MAN2A1: variants seen among roughly 807,000 people sequenced by gnomAD.
MAN2A1 encodes the protein alpha-mannosidase 2.
A neutral mutation model predicts 142.6 loss-of-function variants in MAN2A1; 76 were observed. The ratio of observed to expected loss-of-function variants is 0.53; its 90% CI spans 0.44 to 0.65. The LOEUF (loss-of-function observed/expected upper bound fraction) is 0.65, where lower values mean the gene tolerates loss of function less well. Among genes scored for constraint, MAN2A1 ranks in the 30% least tolerant of loss-of-function variants. MAN2A1 has a pLI of 0.00. For synonymous variants in MAN2A1, 559 were observed against 473.2 expected, an observed-to-expected ratio of 1.18 and a Z score of -2.35; for missense variants, 1,311 against 1,365.1, an observed-to-expected ratio of 0.96 and a Z score of 0.62.
intron 4 of MAN2A1, among the ~76,000 whole-genome samples, chr5:109,736,247 T>G (rs778970438): frequency 8.5e-5 from 13 of 152,192 alleles, no homozygotes; most frequent in Non-Finnish European, 1.6e-4. Flanking sequence ...TCAGCATTTC[T>G]GAATCTGTAG....
intron 1 of MAN2A1, among the ~76,000 whole-genome samples, chr5:109,709,278 G>C (rs189220912): frequency 5.3e-5 from 8 of 152,178 alleles, no homozygotes; most frequent in African/African-American, 1.9e-4. Context: ...TGGCATTTTC[G>C]TATAGTTTGA....
intron 20 of MAN2A1, among the ~76,000 whole-genome samples, chr5:109,857,638 G>A (rs144462608): frequency 1.7e-3 from 255 of 152,310 alleles, no homozygotes; most frequent in Admixed American, 2.8e-3. Flanking sequence ...ACGAAGCCTG[G>A]AACTTGTTTT....
chr5:109,818,862 G>T (rs1192318971), intron 13 of MAN2A1, among the ~76,000 whole-genome samples: 2 of 152,162 alleles, frequency 1.3e-5, no homozygotes, highest in Non-Finnish European at 2.9e-5. Context: ...TTACCCATAA[G>T]ATATCAAACA....
chr5:109,866,742 A>G (rs1368600606), intron 21 of MAN2A1, 104 bp from the exon 22 acceptor site: 5 of 671,192 alleles, frequency 7.4e-6, no homozygotes, highest in East Asian at 2.9e-5. Flanking sequence ...GAACTTCAAC[A>G]TACTGTTTTA....
chr5:109,694,815 G>C (rs886491529), intron 1 of MAN2A1, among the ~76,000 whole-genome samples: 1 of 151,806 alleles, frequency 6.6e-6, no homozygotes, highest in African/African-American at 2.4e-5. Flanking sequence ...TTTTTTTCTT[G>C]CTTTCATAAA....
At chr5:109,789,391 G>A in intron 11 of MAN2A1, 69 bp from the exon 12 acceptor site, 1 of 866,556 alleles carries the variant, frequency 1.2e-6, no homozygotes, top group South Asian at 1.8e-5. Flanking sequence ...AATTTGAATG[G>A]TCTTCTGGTT....
chr5:109,791,593 C>G (rs563944710), intron 12 of MAN2A1, among the ~76,000 whole-genome samples: 1 of 151,518 alleles, frequency 6.6e-6, no homozygotes, highest in African/African-American at 2.4e-5. Flanking sequence ...GTTTGAGTAA[C>G]AAATTATCTC....
rs1191997273 is a variant in MAN2A1 at position 109,784,870 on chromosome 5, T to C, written c.1704T>C (p.His568=). Residue 568 remains histidine (H), a synonymous_variant, in exon 10 of 22, where the codon CAT becomes CAC. Coordinates refer to ENST00000261483, the MANE Select transcript of MAN2A1 (RefSeq NM_002372.4). ...EARRNLGLFQ[H]HDAITGTAKD... ...GAAGGAATTTGGGACTGTTTCAACA[T>C]CATGATGCTATCACAGGAACTGCAA... 2.5e-6 allele frequency: 4 copies of C among 1,612,438 alleles called. No homozygotes were observed. Among genetic ancestry groups the C allele is most frequent in the South Asian group, 2.2e-5 (2 of 90,712 alleles).
chr5:109,747,478 TCTTA>T (rs1352737198), intron 4 of MAN2A1, among the ~76,000 whole-genome samples: 1 of 152,168 alleles, frequency 6.6e-6, no homozygotes, highest in African/African-American at 2.4e-5. Context: ...TTGACTAATC[TCTTA>T]CTTTTGGAGA....
intron 4 of MAN2A1, among the ~76,000 whole-genome samples, chr5:109,752,708 A>C (rs868767127): frequency 3.9e-5 from 6 of 152,200 alleles, no homozygotes; most frequent in African/African-American, 1.2e-4. Flanking sequence ...GGTAGAAGAA[A>C]ATAGATAAAT....
chr5:109,762,164 A>T (rs1752861837), intron 5 of MAN2A1, among the ~76,000 whole-genome samples: 1 of 152,180 alleles, frequency 6.6e-6, no homozygotes, highest in Non-Finnish European at 1.5e-5. Context: ...TTTAAAACAA[A>T]TTTATTAGAG....
At chr5:109,720,963 T>C (rs1751586303) in intron 3 of MAN2A1, among the ~76,000 whole-genome samples, 1 of 152,188 alleles carries the variant, frequency 6.6e-6, no homozygotes, top group South Asian at 2.1e-4. Context: ...GCTGCCATGA[T>C]GGGAAATTTT....
chr5:109,758,354 C>G (rs538699301), intron 5 of MAN2A1, among the ~76,000 whole-genome samples: 1 of 151,976 alleles, frequency 6.6e-6, no homozygotes, highest in Admixed American at 6.6e-5. Flanking sequence ...AATTATTTTC[C>G]TATTTTTCAG....
At chr5:109,755,108 C>T (rs1209112582) in intron 4 of MAN2A1, among the ~76,000 whole-genome samples, 5 of 152,248 alleles carry the variant, frequency 3.3e-5, no homozygotes, top group Non-Finnish European at 4.4e-5. Context: ...GAATGACCTG[C>T]GTGGCTTTTC....
intron 18 of MAN2A1, 42 bp downstream of exon 18, chr5:109,846,048 A>G: frequency 3.9e-6 from 6 of 1,542,536 alleles, no homozygotes; most frequent in African/African-American, 1.4e-5. Flanking sequence ...AAAGGTTTCA[A>G]TTCCAACTGT....
At chr5:109,766,720 TTA>T (rs202002812) in intron 5 of MAN2A1, among the ~76,000 whole-genome samples, 1,869 of 152,306 alleles carry the variant, frequency 0.012, 18 homozygotes, top group Non-Finnish European at 0.018. Flanking sequence ...GCAATATTAC[TTA>T]TGTCAGTTTA....
intron 8 of MAN2A1, among the ~76,000 whole-genome samples, chr5:109,777,155 G>A (rs1753315844): frequency 6.6e-6 from 1 of 152,168 alleles, no homozygotes; most frequent in South Asian, 2.1e-4. Flanking sequence ...TTCAGCTTTA[G>A]TATATATTGC....
At chr5:109,821,056 C>T (rs1005303568) in intron 15 of MAN2A1, among the ~76,000 whole-genome samples, 4 of 152,080 alleles carry the variant, frequency 2.6e-5, no homozygotes, top group Non-Finnish European at 4.4e-5. Context: ...GGTAGTAATA[C>T]GCAAACTCTG....
At chr5:109,831,001 GT>G (rs1203508627) in intron 16 of MAN2A1, among the ~76,000 whole-genome samples, 1 of 152,184 alleles carries the variant, frequency 6.6e-6, no homozygotes, top group Non-Finnish European at 1.5e-5. Flanking sequence ...CTGAACTCAG[GT>G]GAAGGGCACA....
Sources: allele counts gnomAD v4.1 joint callset (sites outside exome capture counted in the v4.1 genomes callset), GRCh38; gene constraint gnomAD v4.1.1; transcripts MANE v1.5; gene names NCBI Gene and HGNC (gene_info 2026-07-23, HGNC 2026-07-21).